PAK2: variants seen among roughly 807,000 people sequenced by gnomAD.
PAK2 encodes the protein serine/threonine-protein kinase PAK 2.
Under a neutral mutation model 65.9 loss-of-function variants are expected in PAK2, and 21 were observed. The ratio of observed to expected loss-of-function variants is 0.32; its 90% CI spans 0.23 to 0.46. The LOEUF is 0.46. PAK2 is among the 20% of genes least tolerant of loss of function. The pLI is 1.00. For synonymous variants in PAK2, 204 were observed against 219.7 expected (o/e 0.93, Z 0.63); for missense variants, 324 against 642.6 (o/e 0.50, Z 5.36).
rs1388932009 is a variant in PAK2, at chr3:196,768,506, A to G, written c.-21-14120A>G. On this transcript the variant is annotated intron_variant, in intron 1 of 14. Coordinates refer to ENST00000327134, the MANE Select transcript of PAK2 (RefSeq NM_002577.4). ...ATTTTATTTATATATGTATGTATGT[A>G]TTTATTTATTTATTTATTTGAAACA... 2.7e-5 allele frequency among the ~76,000 whole-genome samples: 4 copies of G among 149,996 alleles called. No individual in the cohort carries two copies. In the East Asian group the frequency reaches 7.8e-4, roughly 29 times the overall value.
rs577862201 is a variant in PAK2 at position 196,776,479 on chromosome 3, G to A, written c.-21-6147G>A. ...CGGTTGTTCAGACTTCGTATTTTGC[G>A]GACATTTCCTCAAAAATAGTGACAG... On this transcript the variant is annotated intron_variant, in intron 1 of 14. Coordinates refer to ENST00000327134, the MANE Select transcript of PAK2 (RefSeq NM_002577.4). Among the ~76,000 whole-genome samples the A allele has an allele frequency of 9.7e-4, 148 of 152,116 alleles. 5 individuals carry two copies. The South Asian group carries it at 0.013, about 14-fold the overall frequency.
At chr3:196,748,349 G>A (rs868820829) in intron 1 of PAK2, among the ~76,000 whole-genome samples, 1 of 152,098 alleles carries the variant, frequency 6.6e-6, no homozygotes, top group African/African-American at 2.4e-5. Flanking sequence ...ACTGCCCAAA[G>A]CCCACAGTTT....
chr3:196,783,997 A>C lies in PAK2; in HGVS notation c.187+1164A>C, dbSNP rs551497293. ...AGACATTTGGGTTGTTTTCATGAAT[A>C]GTGTTGCTATGGATAATGTTGAATG... On this transcript the variant is annotated intron_variant, in intron 2 of 14. Coordinates refer to ENST00000327134, the MANE Select transcript of PAK2 (RefSeq NM_002577.4). 3.6e-4 allele frequency among the ~76,000 whole-genome samples: 55 copies of C among 152,310 alleles called. 3 individuals are homozygous for C. In the South Asian group the frequency reaches 8.5e-3, roughly 23 times the overall value.
rs559436312 is a variant in PAK2, at chr3:196,830,108, A to G, written c.*1703A>G. The G allele has an allele frequency of 6.7e-4, 101 of 151,824 alleles. No individual in the cohort carries two copies. Among genetic ancestry groups the G allele is most frequent in the African/African-American group, 2.4e-3 (101 of 41,400 alleles). 9.4% of individuals were successfully genotyped at this position (151,824 alleles called of 1,614,324 possible). A position where few individuals can be genotyped will look rare whatever the true frequency, so the allele number is the denominator to read the frequency against. On this transcript the variant is annotated 3_prime_UTR_variant, in exon 15 of 15. Transcript: ENST00000327134. ...AAAAATAATTTTGCTGTTGTAGTATACATTGGAGAAACTGGCAGGTTTTAT... is the reference window on the plus strand; with the variant it reads ...AAAAATAATTTTGCTGTTGTAGTATGCATTGGAGAAACTGGCAGGTTTTAT...
At chr3:196,762,091 C>T (rs1713995090) in intron 1 of PAK2, among the ~76,000 whole-genome samples, 1 of 137,728 alleles carries the variant, frequency 7.3e-6, no homozygotes, top group Non-Finnish European at 1.6e-5. Context: ...CTCCTCACAT[C>T]CCAGATGGGG....
chr3:196,798,431 C>T (rs1041315155), intron 2 of PAK2, among the ~76,000 whole-genome samples: 3 of 151,744 alleles, frequency 2.0e-5, no homozygotes, highest in Non-Finnish European at 4.4e-5. Context: ...GCAACTGCCA[C>T]CTCCCAGGTT....
At position 196,804,764 on chromosome 3, in the gene PAK2, C is replaced by T. The variant is rs547446326; in HGVS notation, c.437-588C>T. 3.5e-4 allele frequency among the ~76,000 whole-genome samples: 53 copies of T among 151,726 alleles called. 1 individual carries two copies. In the South Asian group the frequency reaches 8.7e-3, roughly 25 times the overall value. On this transcript the variant is annotated intron_variant, in intron 4 of 14. Coordinates refer to ENST00000327134, the MANE Select transcript of PAK2 (RefSeq NM_002577.4). ...GATTACAGGCATGAGCCACCGCGCC[C>T]GGCCTGTGCGTATGTAATATGTGAT...
At chr3:196,813,720 G>C (rs1715902714) in intron 10 of PAK2, among the ~76,000 whole-genome samples, 1 of 152,094 alleles carries the variant, frequency 6.6e-6, no homozygotes, top group Non-Finnish European at 1.5e-5. Flanking sequence ...GGGAGGCCGA[G>C]GCAGGTGGAT....
intron 4 of PAK2, among the ~76,000 whole-genome samples, chr3:196,804,462 CGTGT>C (rs148314760): frequency 0.069 from 10,506 of 151,776 alleles, 635 homozygotes; most frequent in African/African-American, 0.16. Flanking sequence ...CACGCGCGTG[CGTGT>C]GTGTGTTTTG....
At chr3:196,806,998 G>A (rs368254438) in intron 6 of PAK2, among the ~76,000 whole-genome samples, 101 of 152,158 alleles carry the variant, frequency 6.6e-4, no homozygotes, top group African/African-American at 2.1e-3. Flanking sequence ...TGTAGATGAC[G>A]ACTAAATCTA....
intron 1 of PAK2, among the ~76,000 whole-genome samples, chr3:196,769,549 C>T (rs563527846): frequency 7.9e-5 from 12 of 151,948 alleles, no homozygotes; most frequent in South Asian, 6.2e-4. Context: ...TGGTGGCTCA[C>T]GCCTGTAATC....
chr3:196,792,157 AT>A (rs2108748785), intron 2 of PAK2, among the ~76,000 whole-genome samples: 1 of 152,282 alleles, frequency 6.6e-6, no homozygotes, highest in African/African-American at 2.4e-5. Context: ...TTTCCCAACT[AT>A]CTGCATAGAG....
At position 196,832,085 on chromosome 3, in the gene PAK2, G is replaced by A. The variant is rs544332199; in HGVS notation, c.*3680G>A. 2.0e-5 allele frequency: 3 copies of A among 152,296 alleles called. No homozygotes were observed. The highest frequency in any genetic ancestry group is 7.2e-5 in the African/African-American group (3 of 41,566). 9.4% of individuals were successfully genotyped at this position (152,296 alleles called of 1,614,324 possible). A position where few individuals can be genotyped will look rare whatever the true frequency, so the allele number is the denominator to read the frequency against. ...TTGGAGTTCGAAAGAAGAAGCAAGC[G>A]CTGGCCTGGCCTTGAAAGAACCGAA... On this transcript the variant is annotated 3_prime_UTR_variant, in exon 15 of 15. Transcript: ENST00000327134.
At position 196,810,570 on chromosome 3, in the gene PAK2, C is replaced by T; in HGVS notation, c.710-20C>T. 1 of 1,421,946 alleles carries T rather than the reference C, an allele frequency of 7.0e-7. No homozygotes were observed. Among genetic ancestry groups the T allele is most frequent in the Non-Finnish European group, 9.9e-7 (1 of 1,009,460 alleles). The allele number at this position is 1,421,946 out of a possible 1,614,324, so 88.1% of individuals were successfully genotyped here. On this transcript the variant is annotated intron_variant, in intron 7 of 14. Transcript: ENST00000327134. ...CACTTAAAATGCTTGACTGAGCTTC[C>T]AGCTTTTTGTTTATTCTAGGAACTA...
intron 1 of PAK2, among the ~76,000 whole-genome samples, chr3:196,773,077 A>G (rs1223775708): frequency 6.6e-6 from 1 of 152,088 alleles, no homozygotes; most frequent in East Asian, 1.9e-4. Flanking sequence ...AGCCACCCCT[A>G]GTCTCCTTCA....
At chr3:196,764,630 AAT>A (rs1224919700) in intron 1 of PAK2, among the ~76,000 whole-genome samples, 36 of 121,660 alleles carry the variant, frequency 3.0e-4, no homozygotes, top group Admixed American at 9.2e-4. Flanking sequence ...AAAAAAAATA[AAT>A]AAATAAATAC....
chr3:196,760,691 T>A (rs771582880), intron 1 of PAK2, among the ~76,000 whole-genome samples: 1 of 152,222 alleles, frequency 6.6e-6, no homozygotes, highest in East Asian at 1.9e-4. Flanking sequence ...TGCATTCTTA[T>A]GCTATCCAAA....
chr3:196,759,498 GTTTTTTTTTTTTTTT>G lies in PAK2; in HGVS notation c.-22+19366_-22+19380del, dbSNP rs71301221. Among the ~76,000 whole-genome samples the G allele has an allele frequency of 2.8e-4, 30 of 108,154 alleles. No individual in the cohort carries two copies. The East Asian group carries it at 3.8e-3, about 14-fold the overall frequency. 71.0% of individuals were successfully genotyped at this position (108,154 alleles called of 152,430 possible). A position where few individuals can be genotyped will look rare whatever the true frequency, so the allele number is the denominator to read the frequency against. ...GGTATACAGTTAAGTGGTTTTTTTTGTTTTTTTTTTTTTTTTTTTTTTTTTTTTTTTTTTTTTTTG... is the reference window on the plus strand; with the variant it reads ...GGTATACAGTTAAGTGGTTTTTTTTGTTTTTTTTTTTTTTTTTTTTTTTTG... On this transcript the variant is annotated intron_variant, in intron 1 of 14. Transcript: ENST00000327134.
intron 8 of PAK2, 133 bp downstream of exon 8, chr3:196,810,786 G>C (rs2108763419): frequency 3.5e-6 from 2 of 569,410 alleles, no homozygotes; most frequent in Middle Eastern, 3.0e-4. Context: ...TGGGGGATTT[G>C]TGTAAATAAA....
Sources: gnomAD v4.1 joint callset for allele counts (sites outside exome capture counted in the v4.1 genomes callset) on GRCh38, gnomAD v4.1.1 for gene constraint, MANE v1.5 for transcripts, NCBI Gene and HGNC (gene_info 2026-07-23, HGNC 2026-07-21) for gene names.